The following TEX52 variants were observed in gnomAD, a reference collection of about 807,000 sequenced individuals.
TEX52 encodes the protein testis expressed 52.
A neutral mutation model predicts 17.6 loss-of-function variants in TEX52; 22 were observed. The observed-to-expected ratio is 1.25, with a 90% CI of 0.89 to 1.78. The LOEUF (loss-of-function observed/expected upper bound fraction) is 1.78, where lower values mean the gene tolerates loss of function less well. Ranked by LOEUF, TEX52 falls within the 40% of genes most tolerant of loss-of-function variation. The pLI, the probability that TEX52 is intolerant of heterozygous loss-of-function variation, is 0.00. For missense variants in TEX52, 396 were observed against 372.3 expected, an observed-to-expected ratio of 1.06 and a Z score of -0.52; for synonymous variants, 168 against 147.4, an observed-to-expected ratio of 1.14 and a Z score of -1.01.
Position 2,855,362 on chromosome 12 carries a change from G to A in TEX52, c.157C>T (p.Pro53Ser). ...TGGTAGGCTTGCCGGGTGAAGCCAG[G>A]GAACTCCCAGGACTCGCTGGGGAGG... The part of the protein sequence containing the change: ...FFLPSESWEF[P>S]GFTRQAYHQL... Residue 53 changes from proline (P) to serine (S), a missense_variant, in exon 2 of 3, where the codon CCT (proline) becomes TCT (serine). Transcript: ENST00000637658. 1.3e-6 allele frequency: 2 copies of A among 1,507,316 alleles called. No homozygotes were observed. The highest frequency in any genetic ancestry group is 8.8e-7 in the Non-Finnish European group (1 of 1,131,226). 93.4% of individuals were successfully genotyped at this position (1,507,316 alleles called of 1,614,324 possible). A position where few individuals can be genotyped will look rare whatever the true frequency, so the allele number is the denominator to read the frequency against.
chr12:2,850,372 G>A (rs2098066086), intron 2 of TEX52, among the ~76,000 whole-genome samples: 1 of 151,520 alleles, frequency 6.6e-6, no homozygotes, highest in Non-Finnish European at 1.5e-5. Flanking sequence ...TACTCGGGAG[G>A]CTGAGGCAGG....
Position 2,856,967 on chromosome 12 carries a change from T to G in TEX52, c.60A>C (p.Glu20Asp). The G allele has an allele frequency of 1.4e-6, 1 of 702,964 alleles. No individual in the cohort carries two copies. The highest frequency in any genetic ancestry group is 2.6e-6 in the Non-Finnish European group (1 of 384,990). The allele number at this position is 702,964 out of a possible 1,614,324, so 43.5% of individuals were successfully genotyped here. A position where few individuals can be genotyped will look rare whatever the true frequency, so the allele number is the denominator to read the frequency against. Reference protein sequence around the residue: ...RGPSHPSHMEEPFLQMVQASE... With the variant: ...RGPSHPSHMEDPFLQMVQASE... ...GGCCACCCCCTACCTGCAGGAAAGG[T>G]TCTTCCATATGAGATGGGTGACTGG... Residue 20 changes from glutamate (E) to aspartate (D), a missense_variant, in exon 1 of 3, where the codon GAA becomes GAC. Coordinates refer to ENST00000637658, the MANE Select transcript of TEX52 (RefSeq NM_001365174.2).
downstream of TEX52, among the ~76,000 whole-genome samples, chr12:2,848,203 G>C (rs1360254309): frequency 6.6e-6 from 1 of 152,184 alleles, no homozygotes; most frequent in Non-Finnish European, 1.5e-5. Context: ...AGACAAAGAA[G>C]GCCGTGGGCA....
chr12:2,852,123 T>G (rs745770369), intron 2 of TEX52, among the ~76,000 whole-genome samples: 18 of 152,216 alleles, frequency 1.2e-4, no homozygotes, highest in Non-Finnish European at 1.9e-4. Flanking sequence ...CCAAAAGGTT[T>G]TGTGGCACAT....
intron 2 of TEX52, among the ~76,000 whole-genome samples, chr12:2,850,763 C>A (rs995062117): frequency 6.6e-6 from 1 of 151,640 alleles, no homozygotes; most frequent in African/African-American, 2.4e-5. Flanking sequence ...ACCTCCATCT[C>A]CCAGGCTCAA....
At chr12:2,852,814 A>G (rs1295875464) in intron 2 of TEX52, among the ~76,000 whole-genome samples, 1 of 152,038 alleles carries the variant, frequency 6.6e-6, no homozygotes, top group East Asian at 1.9e-4. Flanking sequence ...CCTGGCCAAC[A>G]TGGAGAAACC....
Position 2,854,918 on chromosome 12 carries a change from G to A in TEX52, c.601C>T (p.Gln201Ter), listed in dbSNP as rs1393458517. Reference protein sequence around the residue: ...APPLDAQGNIQPPASFKKYRH... With the variant: ...APPLDAQGNI Reference sequence around the variant, plus strand: ...TACTTCTTGAAGCTCGCTGGCGGCTGGATGTTGCCCTGGGCATCGAGTGGG... The same window carrying A: ...TACTTCTTGAAGCTCGCTGGCGGCTAGATGTTGCCCTGGGCATCGAGTGGG... Residue 201 changes from glutamine to a stop codon, truncating the protein, a stop_gained, in exon 2 of 3, where the codon CAG becomes TAG. Coordinates refer to ENST00000637658, the MANE Select transcript of TEX52 (RefSeq NM_001365174.2). LOFTEE classifies it low-confidence loss of function (END_TRUNC). 14 of 1,534,988 alleles carry A rather than the reference G, an allele frequency of 9.1e-6. No homozygotes were observed. The highest frequency in any genetic ancestry group is 1.2e-5 in the Non-Finnish European group (14 of 1,146,174).
At chr12:2,853,606 TG>T (rs1164612957) in intron 2 of TEX52, among the ~76,000 whole-genome samples, 8 of 147,120 alleles carry the variant, frequency 5.4e-5, no homozygotes, top group African/African-American at 2.0e-4. Flanking sequence ...TTTTTGTTTT[TG>T]TTTTTGTTTT....
rs557734854 is a variant in TEX52 at position 2,849,313 on chromosome 12, G to A, written c.836C>T (p.Ala279Val). ...CTTGGAGAGATGGTGGAGGGGTAAG[G>A]CAGTTCTGTCCTTTATCAGGGTTTG... Reference protein sequence around the residue: ...DFQTLIKDRTALPLHHLSKAQ... With the variant: ...DFQTLIKDRTVLPLHHLSKAQ... Residue 279 changes from alanine to valine, a missense_variant, in exon 3 of 3, where the codon GCC becomes GTC. Transcript: ENST00000637658. The A allele has an allele frequency of 5.5e-5, 85 of 1,536,124 alleles. No individual in the cohort carries two copies. In the South Asian group the frequency reaches 9.9e-4, roughly 18 times the overall value.
chr12:2,854,934 A>G lies in TEX52; in HGVS notation c.585T>C (p.Asp195=), dbSNP rs1406959722. The change falls in exon 2 of 3, where the codon GAT becomes GAC. Residue 195 remains aspartate, a synonymous_variant. Transcript: ENST00000637658. ...LRSEARAPPL[D]AQGNIQPPAS... is the part of the protein sequence containing the mutation. Reference sequence around the variant, plus strand: ...CTGGCGGCTGGATGTTGCCCTGGGCATCGAGTGGGGGTGCTCTTGCCTCAC... The same window carrying G: ...CTGGCGGCTGGATGTTGCCCTGGGCGTCGAGTGGGGGTGCTCTTGCCTCAC... 1.3e-6 allele frequency: 2 copies of G among 1,535,826 alleles called. No homozygotes were observed. Among genetic ancestry groups the G allele is most frequent in the Admixed American group, 2.0e-5 (1 of 50,950 alleles).
chr12:2,854,428 G>C (rs2098080924), intron 2 of TEX52, among the ~76,000 whole-genome samples: 1 of 152,216 alleles, frequency 6.6e-6, no homozygotes, highest in African/African-American at 2.4e-5. Flanking sequence ...CGGTGAGGGA[G>C]CTGAGGCTGG....
rs780179027 is a variant in TEX52, at chr12:2,855,222, G to C, written c.297C>G (p.Leu99=). 7.3e-5 allele frequency: 110 copies of C among 1,505,808 alleles called. 1 individual carries two copies. The highest frequency in any genetic ancestry group is 6.8e-4 in the Middle Eastern group (4 of 5,842). The allele number at this position is 1,505,808 out of a possible 1,614,324, so 93.3% of individuals were successfully genotyped here. ...AQHTWGFHTW[L]DVCRLPATFP... ...AGGTGGCAGGCAGACGGCACACATC[G>C]AGCCACGTGTGAAAGCCCCAGGTGT... The change falls in exon 2 of 3, where the codon CTC becomes CTG. Residue 99 remains leucine, a synonymous_variant. Transcript: ENST00000637658.
intron 1 of TEX52, among the ~76,000 whole-genome samples, 198 bp from the exon 2 acceptor site, chr12:2,855,644 A>G (rs1356374461): frequency 6.6e-6 from 1 of 152,056 alleles, no homozygotes; most frequent in Non-Finnish European, 1.5e-5. Context: ...TATCATCTTC[A>G]CAGTCACTCA....
intron 1 of TEX52, among the ~76,000 whole-genome samples, chr12:2,856,593 C>T (rs2098088143): frequency 6.6e-6 from 1 of 152,204 alleles, no homozygotes; most frequent in South Asian, 2.1e-4. Flanking sequence ...AAACTCCTAA[C>T]CTCAGGTGAA....
rs2098082819 is a variant in TEX52 at position 2,855,025 on chromosome 12, C to G, written c.494G>C (p.Arg165Thr). 1 of 1,535,982 alleles carries G rather than the reference C, an allele frequency of 6.5e-7. No homozygotes were observed. Among genetic ancestry groups the G allele is most frequent in the Non-Finnish European group, 8.7e-7 (1 of 1,146,914 alleles). ...HCYPTFVDMK[R>T]KKQVIFRTVK... ...TGTCCTGAAAATCACCTGCTTCTTC[C>G]TTTTCATGTCCACAAACGTGGGATA... is the stretch of plus-strand genomic sequence containing the variant. Residue 165 changes from arginine (R) to threonine (T), a missense_variant, in exon 2 of 3, where the codon AGG becomes ACG. Transcript: ENST00000637658.
intron 2 of TEX52, among the ~76,000 whole-genome samples, chr12:2,853,016 C>A (rs1408363360): frequency 2.7e-5 from 4 of 149,558 alleles, no homozygotes; most frequent in East Asian, 4.0e-4. Context: ...AAAGAAACAA[C>A]AAAAAAAAAC....
At chr12:2,855,554 G>A (rs1283246343) in intron 1 of TEX52, 108 bp from the exon 2 acceptor site, 3 of 863,474 alleles carry the variant, frequency 3.5e-6, no homozygotes, top group East Asian at 2.9e-5. Context: ...GCCAGCCCAG[G>A]ATTCTCATGA....
chr12:2,847,848 G>A (rs187059428), downstream of TEX52, among the ~76,000 whole-genome samples: 1 of 152,268 alleles, frequency 6.6e-6, no homozygotes, highest in Admixed American at 6.5e-5. Context: ...TCAGCATGAT[G>A]TTTTCAAGTT....
chr12:2,852,224 C>T (rs893214145), intron 2 of TEX52, among the ~76,000 whole-genome samples: 4 of 152,190 alleles, frequency 2.6e-5, no homozygotes, highest in East Asian at 1.9e-4. Context: ...CCTGGGCCTA[C>T]AGCAGTAAAC....
Sources: allele counts gnomAD v4.1 joint callset (sites outside exome capture counted in the v4.1 genomes callset), GRCh38; gene constraint gnomAD v4.1.1; transcripts MANE v1.5; gene names NCBI Gene and HGNC (gene_info 2026-07-23, HGNC 2026-07-21).